Variants in PACRG observed in about 807,000 individuals in gnomAD.
PACRG encodes parkin coregulated, also known as parkin coregulated gene protein.
Under a neutral mutation model 29.7 loss-of-function variants are expected in PACRG, and 29 were observed. That is an observed-to-expected ratio of 0.98 (90% CI 0.73 to 1.33). The LOEUF (loss-of-function observed/expected upper bound fraction) is 1.33, where lower values mean the gene tolerates loss of function less well. Among genes scored for constraint, PACRG ranks in the 40% most tolerant of loss-of-function variants. The probability of loss-of-function intolerance (pLI) is 0.00; values close to 1 mark genes in which losing one functional copy is unlikely to be tolerated. For missense variants in PACRG, 279 were observed against 316.2 expected (o/e 0.88, Z 0.89); for synonymous variants, 116 against 118.7 (o/e 0.98, Z 0.15).
At chr6:163,286,191 C>T (rs1023997726) in intron 4 of PACRG, among the ~76,000 whole-genome samples, 3 of 152,090 alleles carry the variant, frequency 2.0e-5, no homozygotes, top group Admixed American at 6.5e-5. Flanking sequence ...ATAAAATCTT[C>T]CAGACTGAAT....
rs6905708 is a variant in PACRG, at chr6:162,776,990, C to T, written c.157-37157C>T. Reference sequence around the variant, plus strand: ...CACATTGGGTACAGTGCACACTGCTCAGGTGCTGGGTGCACCTGAATCTCC... The same window carrying T: ...CACATTGGGTACAGTGCACACTGCTTAGGTGCTGGGTGCACCTGAATCTCC... On this transcript the variant is annotated intron_variant, in intron 1 of 4. Transcript: ENST00000366888. 5.7e-3 allele frequency among the ~76,000 whole-genome samples: 872 copies of T among 152,282 alleles called. 8 individuals are homozygous for T. The highest frequency in any genetic ancestry group is 0.02 in the African/African-American group (832 of 41,562).
chr6:162,883,090 G>T (rs1027949285), intron 2 of PACRG, among the ~76,000 whole-genome samples: 1 of 152,008 alleles, frequency 6.6e-6, no homozygotes. Flanking sequence ...TTTACTAAAT[G>T]AAACTAATTT....
At chr6:163,094,253 C>A (rs562100) in intron 4 of PACRG, among the ~76,000 whole-genome samples, 33,073 of 152,170 alleles carry the variant, frequency 0.22, 4,093 homozygotes, top group East Asian at 0.51. Context: ...AATTCAGGTT[C>A]ATCCCCCATG....
At chr6:163,066,716 T>C (rs1429061589) in intron 3 of PACRG, among the ~76,000 whole-genome samples, 2 of 152,166 alleles carry the variant, frequency 1.3e-5, no homozygotes, top group African/African-American at 4.8e-5. Context: ...TAACATCCAA[T>C]AGATCAGCTA....
intron 4 of PACRG, among the ~76,000 whole-genome samples, chr6:163,169,575 G>C (rs986596387): frequency 5.9e-5 from 9 of 152,226 alleles, no homozygotes; most frequent in African/African-American, 1.9e-4. Flanking sequence ...ACACGGCTGC[G>C]TGCTGTGCTC....
rs142547803 is a variant in PACRG, at chr6:162,733,733, C to T, written c.156+5342C>T. ...GCCACGCCTTTGCCCTTCCTGTTTC[C>T]TCTGCCTGAAATGCATTTTACCCTG... On this transcript the variant is annotated intron_variant, in intron 1 of 4. Coordinates refer to ENST00000366888, the MANE Select transcript of PACRG (RefSeq NM_001080379.2). Among the ~76,000 whole-genome samples, 22 of 152,282 alleles carry T rather than the reference C, an allele frequency of 1.4e-4. No individual in the cohort carries two copies. In the East Asian group the frequency reaches 3.9e-3, roughly 27 times the overall value.
Position 162,981,305 on chromosome 6 carries a change from A to ATATATATATATATATT in PACRG, c.292-80844_292-80843insATATATATATATATTT, listed in dbSNP as rs925663285. 1.2e-3 allele frequency among the ~76,000 whole-genome samples: 181 copies of ATATATATATATATATT among 149,148 alleles called. 1 individual carries two copies. Among genetic ancestry groups the ATATATATATATATATT allele is most frequent in the African/African-American group, 4.3e-3 (172 of 40,344 alleles). ...ATGTATAAAACATATATATATATAT[A>ATATATATATATATATT]TTTACAATGGCAAAAATATAGAACC... is the stretch of plus-strand genomic sequence containing the variant. On this transcript the variant is annotated intron_variant, in intron 2 of 4. Transcript: ENST00000366888.
At chr6:163,224,912 C>A (rs1391912484) in intron 4 of PACRG, among the ~76,000 whole-genome samples, 1 of 151,940 alleles carries the variant, frequency 6.6e-6, no homozygotes, top group Non-Finnish European at 1.5e-5. Context: ...GAAGAGATAA[C>A]CTACGGAATG....
intron 4 of PACRG, among the ~76,000 whole-genome samples, chr6:163,305,026 G>T (rs544859520): frequency 6.6e-6 from 1 of 152,200 alleles, no homozygotes; most frequent in African/African-American, 2.4e-5. Context: ...TGGCCCCACC[G>T]TGTCCCACAC....
At chr6:162,805,832 T>A (rs1162579275) in intron 1 of PACRG, among the ~76,000 whole-genome samples, 1 of 152,176 alleles carries the variant, frequency 6.6e-6, no homozygotes, top group African/African-American at 2.4e-5. Context: ...TTTGGTCACA[T>A]CTTCACTTCT....
chr6:163,239,864 A>AC (rs1309667245), intron 4 of PACRG, among the ~76,000 whole-genome samples: 3 of 104,880 alleles, frequency 2.9e-5, no homozygotes, highest in African/African-American at 1.2e-4. Context: ...TCACACTCCC[A>AC]CCCCGACATA....
chr6:162,949,454 CTA>C lies in PACRG; in HGVS notation c.292-112693_292-112692del, dbSNP rs1799488528. Reference sequence around the variant, plus strand: ...AATGTTCAATAGCAGAGTAGGGTGACTATAGTTAATAACGGTGTATTGTATAT... The same window carrying C: ...AATGTTCAATAGCAGAGTAGGGTGACTAGTTAATAACGGTGTATTGTATAT... On this transcript the variant is annotated intron_variant, in intron 2 of 4. Transcript: ENST00000366888. 2.6e-5 allele frequency among the ~76,000 whole-genome samples: 4 copies of C among 152,090 alleles called. No individual in the cohort carries two copies. In the South Asian group the frequency reaches 8.3e-4, roughly 32 times the overall value.
intron 4 of PACRG, among the ~76,000 whole-genome samples, chr6:163,290,793 TG>T (rs1178849828): frequency 1.3e-5 from 2 of 152,158 alleles, no homozygotes; most frequent in Non-Finnish European, 2.9e-5. Context: ...TTCCACACAA[TG>T]GTCACTTAAA....
chr6:163,031,103 T>G (rs1299966199), intron 2 of PACRG, among the ~76,000 whole-genome samples: 1 of 152,196 alleles, frequency 6.6e-6, no homozygotes, highest in African/African-American at 2.4e-5. Flanking sequence ...CAAGGGCCAT[T>G]CATGACTCTT....
intron 4 of PACRG, among the ~76,000 whole-genome samples, chr6:163,269,382 G>A (rs1381531022): frequency 2.6e-5 from 4 of 152,202 alleles, no homozygotes; most frequent in Admixed American, 2.0e-4. Context: ...TCAAAGGGCT[G>A]AAAATGTTTG....
chr6:162,786,551 C>T (rs1365308311), intron 1 of PACRG, among the ~76,000 whole-genome samples: 2 of 152,124 alleles, frequency 1.3e-5, no homozygotes, highest in African/African-American at 2.4e-5. Flanking sequence ...ATGGAGAGAA[C>T]GCCTAGGACC....
At chr6:163,314,419 G>A (rs1785565071) in intron 4 of PACRG, among the ~76,000 whole-genome samples, 1 of 152,180 alleles carries the variant, frequency 6.6e-6, no homozygotes, top group Non-Finnish European at 1.5e-5. Context: ...TCATTCCAAA[G>A]CAGATCCATT....
chr6:163,210,706 T>C lies in PACRG; in HGVS notation c.614-104121T>C, dbSNP rs1257737779. On this transcript the variant is annotated intron_variant, in intron 4 of 4. Transcript: ENST00000366888. ...TACTTTTGCTGAGAACAAAATAATT[T>C]CTGTTCTTTGTTGCACCCAGTTTGT... 2.6e-5 allele frequency among the ~76,000 whole-genome samples: 4 copies of C among 152,362 alleles called. No individual in the cohort carries two copies. The South Asian group carries it at 8.3e-4, about 32-fold the overall frequency.
At chr6:163,142,145 T>C (rs1214271454) in intron 4 of PACRG, among the ~76,000 whole-genome samples, 1 of 152,108 alleles carries the variant, frequency 6.6e-6, no homozygotes, top group Admixed American at 6.5e-5. Flanking sequence ...ATGTAGACCA[T>C]TCAATTTAAG....
Sources: gnomAD v4.1 joint callset for allele counts (sites outside exome capture counted in the v4.1 genomes callset) on GRCh38, gnomAD v4.1.1 for gene constraint, MANE v1.5 for transcripts, NCBI Gene and HGNC (gene_info 2026-07-23, HGNC 2026-07-21) for gene names.